Variants in UGT2B4 observed in about 807,000 individuals in gnomAD.
The protein encoded by UGT2B4 is UDP glucuronosyltransferase family 2 member B4.
In UGT2B4, 49 loss-of-function variants were observed where a neutral mutation model predicts 49.8. The observed-to-expected ratio is 0.98, with a 90% CI of 0.78 to 1.25. The LOEUF is 1.25. UGT2B4 is among the 50% of genes most tolerant of loss of function. The pLI is 0.00. For synonymous variants in UGT2B4, 246 were observed against 217.7 expected (o/e 1.13, Z -1.14); for missense variants, 729 against 627.7 (o/e 1.16, Z -1.73).
At position 69,520,288 on chromosome 4, in the gene UGT2B4, A is replaced by C. The variant is rs139610431; in HGVS notation, c.-106+5399T>G. 2.8e-3 allele frequency among the ~76,000 whole-genome samples: 422 copies of C among 152,372 alleles called. 4 individuals carry two copies. Among genetic ancestry groups the C allele is most frequent in the African/African-American group, 9.3e-3 (385 of 41,594 alleles). On this transcript the variant is annotated intron_variant, in intron 1 of 1. Transcript: ENST00000510114. ...AAAGTAATAACAAAATATTTAATTC[A>C]CTATTGATGACAGCTCTCAGCCCGT... is the stretch of plus-strand genomic sequence containing the variant.
chr4:69,516,939 T>C (rs62307001), intron 1 of UGT2B4, among the ~76,000 whole-genome samples: 31,272 of 151,784 alleles, frequency 0.21, 3,839 homozygotes, highest in Middle Eastern at 0.29. Context: ...TAGAGAAACA[T>C]CTGTTCATGT....
chr4:69,496,603 G>A (rs187254564), upstream of UGT2B4, among the ~76,000 whole-genome samples: 15 of 152,182 alleles, frequency 9.9e-5, no homozygotes, highest in East Asian at 3.9e-4. Flanking sequence ...TGCTTCTACC[G>A]TAAGAGTCAA....
intron 1 of UGT2B4, among the ~76,000 whole-genome samples, chr4:69,523,407 T>A (rs1401144887): frequency 6.6e-6 from 1 of 152,122 alleles, no homozygotes; most frequent in Non-Finnish European, 1.5e-5. Context: ...ATAACATTAA[T>A]CTCCTTGTAC....
chr4:69,490,266 G>A (rs774739811), intron 2 of UGT2B4, among the ~76,000 whole-genome samples: 3 of 152,056 alleles, frequency 2.0e-5, no homozygotes, highest in Admixed American at 6.6e-5. Context: ...ATACAGAATC[G>A]TACAGTATGT....
chr4:69,492,227 CT>C (rs1728008287), intron 2 of UGT2B4, among the ~76,000 whole-genome samples: 1 of 151,974 alleles, frequency 6.6e-6, no homozygotes, highest in Non-Finnish European at 1.5e-5. Flanking sequence ...TCCCAGGAAG[CT>C]TTACTGGGTT....
At chr4:69,511,015 T>A (rs1437040776) in intron 1 of UGT2B4, among the ~76,000 whole-genome samples, 4 of 140,354 alleles carry the variant, frequency 2.8e-5, no homozygotes, top group Non-Finnish European at 6.1e-5. Flanking sequence ...TTTGAGACAG[T>A]CTCGCTCTAT....
intron 1 of UGT2B4, among the ~76,000 whole-genome samples, chr4:69,512,657 T>C (rs1205176283): frequency 6.6e-6 from 1 of 152,200 alleles, no homozygotes; most frequent in East Asian, 1.9e-4. Flanking sequence ...GTTGAAGTAA[T>C]TTATACTCCA....
rs375682839 is a variant in UGT2B4, at chr4:69,485,497, GA to G, written c.1091-71del. ...TGAGAAATGCACAATGGAAGAATCT[GA>G]ATGTGACGGTGTTTCCTAGATAACA... On this transcript the variant is annotated intron_variant, in intron 4 of 5. Transcript: ENST00000305107. 43 of 1,585,078 alleles carry G rather than the reference GA, an allele frequency of 2.7e-5. No homozygotes were observed. The African/African-American group carries it at 5.1e-4, about 19-fold the overall frequency.
Position 69,491,790 on chromosome 4 carries a change from G to A in UGT2B4, c.870+1903C>T, listed in dbSNP as rs1172728607. 2.0e-5 allele frequency among the ~76,000 whole-genome samples: 3 copies of A among 152,042 alleles called. No individual in the cohort carries two copies. The East Asian group carries it at 5.8e-4, about 29-fold the overall frequency. ...GGGGAAATCTTTCAAGAGTAGGATA[G>A]GGTGGGACAGAATTTTCATTAGTCT... On this transcript the variant is annotated intron_variant, in intron 2 of 5. Transcript: ENST00000305107.
upstream of UGT2B4, among the ~76,000 whole-genome samples, chr4:69,500,532 G>GAAGA (rs1161904903): frequency 7.8e-5 from 11 of 141,872 alleles, no homozygotes; most frequent in Admixed American, 5.0e-4. Flanking sequence ...AAGAAAGAAA[G>GAAGA]AAGAAAGAAA....
At chr4:69,493,966 A>G (rs1728071775) in intron 1 of UGT2B4, 125 bp from the exon 2 acceptor site, 3 of 1,058,352 alleles carry the variant, frequency 2.8e-6, no homozygotes, top group South Asian at 3.7e-5. Context: ...GAAAAAAAAT[A>G]CATATATTCG....
intron 1 of UGT2B4, 103 bp from the exon 2 acceptor site, chr4:69,493,944 T>G: frequency 7.5e-7 from 1 of 1,327,054 alleles, no homozygotes. Flanking sequence ...GTAGGCAAAG[T>G]GTTTGTGCCT....
intron 1 of UGT2B4, among the ~76,000 whole-genome samples, chr4:69,512,364 T>A (rs559612033): frequency 2.6e-5 from 4 of 152,234 alleles, no homozygotes; most frequent in African/African-American, 9.6e-5. Context: ...TATCTCAAAT[T>A]TTTTATCTAA....
chr4:69,522,946 GA>G (rs1415129391), intron 1 of UGT2B4, among the ~76,000 whole-genome samples: 1 of 152,096 alleles, frequency 6.6e-6, no homozygotes, highest in Non-Finnish European at 1.5e-5. Flanking sequence ...TTTATCTCAG[GA>G]AACCACTTTC....
intron 1 of UGT2B4, among the ~76,000 whole-genome samples, chr4:69,510,206 C>A (rs1031528275): frequency 1.3e-5 from 2 of 151,998 alleles, no homozygotes; most frequent in Non-Finnish European, 2.9e-5. Context: ...TGACATAGGT[C>A]TATATATCTG....
intron 3 of UGT2B4, among the ~76,000 whole-genome samples, chr4:69,487,815 G>C (rs1845558): frequency 0.4 from 60,455 of 151,806 alleles, 12,963 homozygotes; most frequent in South Asian, 0.62. Flanking sequence ...ATTTTAGGTA[G>C]TCATAATTCT....
chr4:69,485,588 T>C (rs748194879), intron 4 of UGT2B4, among the ~76,000 whole-genome samples, 161 bp from the exon 5 acceptor site: 28 of 152,122 alleles, frequency 1.8e-4, no homozygotes, highest in Non-Finnish European at 3.5e-4. Context: ...CTGCTGGAGA[T>C]GTAAGTGAAG....
At chr4:69,500,397 CA>C (rs1236862961), upstream of UGT2B4, among the ~76,000 whole-genome samples, 1 of 145,206 alleles carries the variant, frequency 6.9e-6, no homozygotes, top group Non-Finnish European at 1.5e-5. Flanking sequence ...AAACTTAAGA[CA>C]AAACAAATAC....
At chr4:69,513,551 T>G (rs944248693) in intron 1 of UGT2B4, among the ~76,000 whole-genome samples, 1 of 152,140 alleles carries the variant, frequency 6.6e-6, no homozygotes, top group Non-Finnish European at 1.5e-5. Context: ...TGGTTAAGAT[T>G]GCCTTGGTCT....
Sources: gnomAD v4.1 joint callset for allele counts (sites outside exome capture counted in the v4.1 genomes callset) on GRCh38, gnomAD v4.1.1 for gene constraint, MANE v1.5 for transcripts, NCBI Gene and HGNC (gene_info 2026-07-23, HGNC 2026-07-21) for gene names.